Variants in EYS observed in about 807,000 individuals in gnomAD.
EYS encodes EGF-like photoreceptor maintenance factor, also known as protein eyes shut homolog.
In EYS, 250 loss-of-function variants were observed where a neutral mutation model predicts 282.1. That is an observed-to-expected ratio of 0.89 (90% CI 0.80 to 0.98). EYS has a LOEUF of 0.98. Among genes scored for constraint, EYS ranks in the 50% least tolerant of loss-of-function variants. The pLI is 0.00. For synonymous variants in EYS, 1,355 were observed against 1,282.9 expected (o/e 1.06, Z -1.20); for missense variants, 4,016 against 3,709.0 (o/e 1.08, Z -2.15).
intron 28 of EYS, among the ~76,000 whole-genome samples, chr6:64,395,407 A>G (rs1272072546): frequency 1.3e-5 from 2 of 152,218 alleles, no homozygotes; most frequent in African/African-American, 4.8e-5. Context: ...GATAGACTGG[A>G]TTAAGAAAAT....
chr6:64,315,739 C>T (rs775376277), intron 29 of EYS, among the ~76,000 whole-genome samples: 19 of 151,816 alleles, frequency 1.3e-4, no homozygotes, highest in Admixed American at 3.3e-4. Flanking sequence ...CATCCTGATA[C>T]GAAAACCTGG....
In EYS at chr6:65,317,777, TCTTC is replaced by T. The variant is rs911036026; in HGVS notation, c.1766+17199_1766+17202del. Among the ~76,000 whole-genome samples the T allele has an allele frequency of 9.6e-4, 55 of 57,382 alleles. 1 individual carries two copies. The highest frequency in any genetic ancestry group is 8.2e-3 in the Middle Eastern group (1 of 122). 37.6% of individuals were successfully genotyped at this position (57,382 alleles called of 152,430 possible). A position where few individuals can be genotyped will look rare whatever the true frequency, so the allele number is the denominator to read the frequency against. On this transcript the variant is annotated intron_variant, in intron 11 of 42. Transcript: ENST00000503581. ...GCTCTTGGCTGGAGGCTACATTTTC[TCTTC>T]CTTCCTTCCTTCCTTCCTTCCTTCC...
intron 22 of EYS, among the ~76,000 whole-genome samples, chr6:64,653,982 T>C (rs550098414): frequency 6.6e-6 from 1 of 152,170 alleles, no homozygotes; most frequent in African/African-American, 2.4e-5. Context: ...TTATTTATAT[T>C]CATAAAGATG....
At chr6:65,637,024 G>A (rs1463771668) in intron 2 of EYS, among the ~76,000 whole-genome samples, 2 of 152,226 alleles carry the variant, frequency 1.3e-5, no homozygotes, top group East Asian at 3.9e-4. Flanking sequence ...CCCCTATGTT[G>A]TGCAGGCTGG....
chr6:64,024,264 AC>A (rs1769361297), intron 33 of EYS, among the ~76,000 whole-genome samples: 1 of 152,098 alleles, frequency 6.6e-6, no homozygotes, highest in African/African-American at 2.4e-5. Context: ...ACCAATCAGC[AC>A]CCTGTGTCTA....
intron 12 of EYS, among the ~76,000 whole-genome samples, chr6:65,266,821 TA>T (rs200165872): frequency 0.017 from 2,543 of 150,422 alleles, 65 homozygotes; most frequent in African/African-American, 0.055. Flanking sequence ...ATCTGTTTAA[TA>T]AAAAAAACTG....
intron 22 of EYS, among the ~76,000 whole-genome samples, chr6:64,739,317 A>G (rs1772289627): frequency 6.6e-6 from 1 of 152,228 alleles, no homozygotes; most frequent in Non-Finnish European, 1.5e-5. Flanking sequence ...GTAATATAGT[A>G]GTTTAAAATC....
At chr6:65,066,499 T>A (rs1474340494) in intron 12 of EYS, among the ~76,000 whole-genome samples, 1 of 152,174 alleles carries the variant, frequency 6.6e-6, no homozygotes, top group African/African-American at 2.4e-5. Flanking sequence ...CAGGAGCTTA[T>A]TAGGCATGTC....
At chr6:65,099,285 C>G (rs1039137637) in intron 12 of EYS, among the ~76,000 whole-genome samples, 2 of 150,552 alleles carry the variant, frequency 1.3e-5, no homozygotes, top group Admixed American at 1.3e-4. Flanking sequence ...AGAGTGTCAT[C>G]TTAAAAGGTG....
At chr6:64,196,267 G>A (rs552237163) in intron 31 of EYS, among the ~76,000 whole-genome samples, 1 of 152,348 alleles carries the variant, frequency 6.6e-6, no homozygotes, top group African/African-American at 2.4e-5. Context: ...AGGATGTGGA[G>A]AAATAGGAAC....
At chr6:64,002,953 A>G (rs1365478085) in intron 33 of EYS, among the ~76,000 whole-genome samples, 3 of 152,234 alleles carry the variant, frequency 2.0e-5, no homozygotes, top group Non-Finnish European at 4.4e-5. Flanking sequence ...TCATTAAAAA[A>G]CAAGAATTAA....
intron 30 of EYS, among the ~76,000 whole-genome samples, chr6:64,235,201 T>G: frequency 6.6e-6 from 1 of 151,692 alleles, no homozygotes; most frequent in Non-Finnish European, 1.5e-5. Flanking sequence ...AACTCGTCAT[T>G]TAGCATTAGG....
chr6:65,489,736 C>G (rs569501219), intron 5 of EYS: 9 of 152,086 alleles, frequency 5.9e-5, no homozygotes, highest in African/African-American at 2.2e-4. Context: ...AAATGTCCAT[C>G]AATGATAGAC....
rs553709378 is a variant in EYS, at chr6:65,386,725, C to G, written c.1185-2225G>C. On this transcript the variant is annotated intron_variant, in intron 7 of 42. Transcript: ENST00000503581. ...AATGCTCAGAGAGACTTATAGCTAA[C>G]TAATTTGAGCTACTCTAGGTGTCCA... Among the ~76,000 whole-genome samples, 12 of 152,048 alleles carry G rather than the reference C, an allele frequency of 7.9e-5. No individual in the cohort carries two copies. The South Asian group carries it at 2.3e-3, about 29-fold the overall frequency.
chr6:64,357,322 C>A (rs1168823314), intron 29 of EYS, among the ~76,000 whole-genome samples: 1 of 69,662 alleles, frequency 1.4e-5, no homozygotes, highest in Admixed American at 1.4e-4. Context: ...TGTGTATGAG[C>A]AGCCTCTTAT....
intron 12 of EYS, among the ~76,000 whole-genome samples, chr6:65,266,789 T>C (rs1260290420): frequency 6.6e-6 from 1 of 151,506 alleles, no homozygotes; most frequent in Non-Finnish European, 1.5e-5. Context: ...AGTGTTAATT[T>C]CTACTTAAGC....
intron 22 of EYS, among the ~76,000 whole-genome samples, chr6:64,723,746 TG>T (rs1326109753): frequency 6.6e-6 from 1 of 152,190 alleles, no homozygotes; most frequent in Non-Finnish European, 1.5e-5. Flanking sequence ...TGGCATGGCT[TG>T]CCATTCCCTC....
intron 35 of EYS, among the ~76,000 whole-genome samples, chr6:63,885,193 CAT>C (rs1486073235): frequency 6.6e-6 from 1 of 152,156 alleles, no homozygotes; most frequent in Non-Finnish European, 1.5e-5. Context: ...AAGCACCAAA[CAT>C]ATAGGAGTAA....
rs143288132 is a variant in EYS, at chr6:65,133,720, C to T, written c.2024-75993G>A. On this transcript the variant is annotated intron_variant, in intron 12 of 42. Transcript: ENST00000503581. ...TGGACACAGAAACAGGCAAACCTTT[C>T]AAGATGAAGACCCAAAAGCAATTGC... is the stretch of plus-strand genomic sequence containing the variant. Among the ~76,000 whole-genome samples the T allele has an allele frequency of 1.9e-3, 287 of 151,994 alleles. 1 individual carries two copies. The highest frequency in any genetic ancestry group is 6.6e-3 in the African/African-American group (276 of 41,508).
Sources: allele counts gnomAD v4.1 joint callset (sites outside exome capture counted in the v4.1 genomes callset), GRCh38; gene constraint gnomAD v4.1.1; transcripts MANE v1.5; gene names NCBI Gene and HGNC (gene_info 2026-07-23, HGNC 2026-07-21).